Variants in ANO2 observed in about 807,000 individuals in gnomAD.
ANO2 encodes anoctamin 2.
ANO2 carries 101 observed loss-of-function variants against 124.2 expected under a neutral mutation model. The observed-to-expected ratio is 0.81, with a 90% confidence interval of 0.69 to 0.96. The LOEUF (loss-of-function observed/expected upper bound fraction) is 0.96. ANO2 is among the 40% of genes least tolerant of loss of function. ANO2 has a pLI of 0.00. For missense variants in ANO2, 1,293 were observed against 1,274.5 expected, an observed-to-expected ratio of 1.01 and a Z score of -0.22; for synonymous variants, 486 against 482.5, an observed-to-expected ratio of 1.01 and a Z score of -0.09.
rs143893441 is a variant in ANO2 at position 5,880,534 on chromosome 12, G to A, written c.535-26393C>T. 5.3e-3 allele frequency among the ~76,000 whole-genome samples: 806 copies of A among 152,128 alleles called. 11 individuals are homozygous for A. Among genetic ancestry groups the A allele is most frequent in the African/African-American group, 0.018 (763 of 41,484 alleles). The stretch of plus-strand genomic sequence containing the variant: ...AAGAGAATAAGAGGAAGCCCATAGA[G>A]GCAGAGGAGATTCAGGAAAGAATCA... On this transcript the variant is annotated intron_variant, in intron 3 of 24. Coordinates refer to ENST00000682330, the MANE Select transcript of ANO2 (RefSeq NM_001364791.2).
rs1945958757 is a variant in ANO2, at chr12:5,635,344, C to G, written c.1624G>C (p.Ala542Pro). Reference sequence around the variant, plus strand: ...CCAAAGACGATTGAGAATGTCAGGGCAATCTGTTTGGGAAAACAGAGAGAA... The same window carrying G: ...CCAAAGACGATTGAGAATGTCAGGGGAATCTGTTTGGGAAAACAGAGAGAA... ...MNFASILFMI[A>P]LTFSIVFGVI... is the part of the protein sequence containing the mutation. The change falls in exon 16 of 25, where the codon GCC becomes CCC. Residue 542 changes from alanine (A) to proline (P), a missense_variant. By Grantham distance (27) the Ala-to-Pro change is conservative (BLOSUM62 -1). Coordinates refer to ENST00000682330, the MANE Select transcript of ANO2 (RefSeq NM_001364791.2). This position sits in a 1 kb window ranked among gnomAD's most constrained non-coding sequence, Gnocchi z 5.2. 1 of 1,558,570 alleles carries G rather than the reference C, an allele frequency of 6.4e-7. No individual in the cohort carries two copies. Among genetic ancestry groups the G allele is most frequent in the Middle Eastern group, 1.7e-4 (1 of 5,812 alleles).
intron 14 of ANO2, among the ~76,000 whole-genome samples, chr12:5,694,197 C>A (rs1949063939): frequency 6.7e-6 from 1 of 150,192 alleles, no homozygotes; most frequent in Admixed American, 6.6e-5. Context: ...GCGCCAGTCC[C>A]CAAAGCTTCG....
chr12:5,800,635 T>C (rs1382406742), intron 9 of ANO2, among the ~76,000 whole-genome samples: 1 of 152,152 alleles, frequency 6.6e-6, no homozygotes, highest in Non-Finnish European at 1.5e-5. Context: ...TGAGAATAAA[T>C]AAGAACTTGG....
intron 23 of ANO2, among the ~76,000 whole-genome samples, chr12:5,570,224 A>G (rs1462201527): frequency 6.6e-6 from 1 of 152,226 alleles, no homozygotes; most frequent in Non-Finnish European, 1.5e-5. Context: ...ATTTCATTAT[A>G]AAACAAACCC....
intron 15 of ANO2, among the ~76,000 whole-genome samples, chr12:5,643,631 T>C (rs1328796355): frequency 6.6e-6 from 1 of 152,244 alleles, no homozygotes; most frequent in East Asian, 1.9e-4. Flanking sequence ...TGCCAAACTA[T>C]ATCCAAAGTG....
In ANO2 at chr12:5,799,552, G is replaced by A. The variant is rs1469255109; in HGVS notation, c.1010C>T (p.Ala337Val). 5 of 1,613,858 alleles carry A rather than the reference G, an allele frequency of 3.1e-6. No individual in the cohort carries two copies. In the South Asian group the frequency reaches 3.3e-5, roughly 11 times the overall value. Residue 337 changes from alanine to valine, a missense_variant, in exon 10 of 25, where the codon GCG (alanine) becomes GTG (valine). Physicochemically the swap from Ala to Val is moderately conservative, Grantham distance 64. Coordinates refer to ENST00000682330, the MANE Select transcript of ANO2 (RefSeq NM_001364791.2). ...NDRKLLYQEW[A>V]RYGVFYKFQP... ...GAACTTATAGAACACTCCATAGCGC[G>A]CCCATTCTTGATATAGCAGCTAAAC...
intron 19 of ANO2, among the ~76,000 whole-genome samples, chr12:5,603,333 T>G (rs1009994371): frequency 6.6e-6 from 1 of 152,116 alleles, no homozygotes; most frequent in Admixed American, 6.6e-5. Flanking sequence ...GTGACCAATA[T>G]AAGAGTGTTA....
At chr12:5,735,908 G>A (rs1950842391) in intron 13 of ANO2, among the ~76,000 whole-genome samples, 1 of 152,170 alleles carries the variant, frequency 6.6e-6, no homozygotes, top group Non-Finnish European at 1.5e-5. Context: ...TGTTATACAC[G>A]AGGGGTGGGA....
chr12:5,748,443 C>A (rs970953444), intron 11 of ANO2, among the ~76,000 whole-genome samples: 1 of 152,152 alleles, frequency 6.6e-6, no homozygotes, highest in African/African-American at 2.4e-5. Flanking sequence ...AGGATATGAG[C>A]CCTCCGGAAA....
At chr12:5,744,358 C>T (rs770214739) in intron 11 of ANO2, 41 bp from the exon 12 acceptor site, 14 of 1,609,278 alleles carry the variant, frequency 8.7e-6, no homozygotes, top group Middle Eastern at 1.7e-4. Flanking sequence ...GGAGCTCAAG[C>T]ATGGTCCACT....
chr12:5,644,980 T>A (rs958312123), intron 15 of ANO2, among the ~76,000 whole-genome samples: 3 of 151,822 alleles, frequency 2.0e-5, no homozygotes, highest in African/African-American at 7.2e-5. Flanking sequence ...AAGGCTGCTT[T>A]TGAGACTTTT....
intron 7 of ANO2, among the ~76,000 whole-genome samples, chr12:5,822,879 G>A (rs1456867087): frequency 6.6e-6 from 1 of 152,174 alleles, no homozygotes; most frequent in African/African-American, 2.4e-5. Context: ...GAATCATGGA[G>A]GGAGGCACTT....
chr12:5,729,254 C>T (rs1950547046), intron 14 of ANO2, among the ~76,000 whole-genome samples: 1 of 151,856 alleles, frequency 6.6e-6, no homozygotes, highest in East Asian at 1.9e-4. Context: ...TCTTATATCC[C>T]AAATATATAA....
chr12:5,934,924 G>A (rs1217654791), intron 1 of ANO2, among the ~76,000 whole-genome samples: 1 of 152,158 alleles, frequency 6.6e-6, no homozygotes, highest in Non-Finnish European at 1.5e-5. Context: ...CTGGGACTGA[G>A]GTTAAAGCCT....
At chr12:5,937,732 T>C (rs1591816199) in intron 1 of ANO2, among the ~76,000 whole-genome samples, 1 of 152,130 alleles carries the variant, frequency 6.6e-6, no homozygotes, top group African/African-American at 2.4e-5. Flanking sequence ...TGCCAGGGTA[T>C]GCTGTGGAAA....
intron 8 of ANO2, among the ~76,000 whole-genome samples, chr12:5,806,378 CTT>C (rs1953193520): frequency 6.6e-6 from 1 of 152,210 alleles, no homozygotes; most frequent in African/African-American, 2.4e-5. Context: ...GAGCTCCAGA[CTT>C]TAAATGGTTT....
intron 14 of ANO2, among the ~76,000 whole-genome samples, chr12:5,706,084 G>A (rs867340800): frequency 4.6e-5 from 7 of 152,302 alleles, no homozygotes; most frequent in African/African-American, 1.7e-4. Flanking sequence ...TTGTACGCTG[G>A]CTTTGCAACT....
intron 10 of ANO2, among the ~76,000 whole-genome samples, chr12:5,766,509 T>C (rs1277986567): frequency 6.6e-6 from 1 of 152,196 alleles, no homozygotes; most frequent in East Asian, 1.9e-4. Context: ...AAATAATTCT[T>C]GCGTTAGAAG....
At chr12:5,765,562 C>T (rs1326632262) in intron 10 of ANO2, among the ~76,000 whole-genome samples, 5 of 152,298 alleles carry the variant, frequency 3.3e-5, no homozygotes. Flanking sequence ...ATGAATCTTG[C>T]CTCTGCTGTT....
Sources: allele counts gnomAD v4.1 joint callset (sites outside exome capture counted in the v4.1 genomes callset), GRCh38; gene constraint gnomAD v4.1.1; non-coding constraint Gnocchi (gnomAD v3.1); transcripts MANE v1.5; gene names NCBI Gene and HGNC (gene_info 2026-07-23, HGNC 2026-07-21).